Variants in ZFYVE9 observed in about 807,000 individuals in gnomAD.
ZFYVE9 encodes zinc finger FYVE domain-containing protein 9.
Under a neutral mutation model 126.7 loss-of-function variants are expected in ZFYVE9, and 43 were observed. That is an observed-to-expected ratio of 0.34 (90% CI 0.27 to 0.44). ZFYVE9 has a LOEUF of 0.44. ZFYVE9 is among the 20% of genes least tolerant of loss of function. ZFYVE9 has a pLI of 1.00. For missense variants in ZFYVE9, 1,476 were observed against 1,697.0 expected (o/e 0.87, Z 2.29); for synonymous variants, 521 against 597.4 (o/e 0.87, Z 1.87).
chr1:52,210,603 T>C (rs574098475), intron 1 of ZFYVE9, among the ~76,000 whole-genome samples: 4 of 152,306 alleles, frequency 2.6e-5, no homozygotes, highest in African/African-American at 9.6e-5. Context: ...AACAATTTAA[T>C]TATCTCTCAT....
intron 13 of ZFYVE9, among the ~76,000 whole-genome samples, chr1:52,308,797 T>C (rs1320455849): frequency 2.0e-5 from 3 of 152,262 alleles, no homozygotes; most frequent in Non-Finnish European, 4.4e-5. Context: ...AGTACATTTG[T>C]AATTCCTTGT....
chr1:52,299,668 G>A (rs770167494), intron 12 of ZFYVE9, among the ~76,000 whole-genome samples: 7 of 152,188 alleles, frequency 4.6e-5, no homozygotes, highest in Non-Finnish European at 7.3e-5. Context: ...TGTGAGTTCA[G>A]TGCCAGGGCT....
At chr1:52,207,186 C>T (rs968032998) in intron 1 of ZFYVE9, among the ~76,000 whole-genome samples, 2 of 152,194 alleles carry the variant, frequency 1.3e-5, no homozygotes, top group African/African-American at 4.8e-5. Context: ...GTCCCTATGA[C>T]ATGTATATAC....
At chr1:52,174,467 T>G (rs1363275364) in intron 1 of ZFYVE9, among the ~76,000 whole-genome samples, 17 of 152,072 alleles carry the variant, frequency 1.1e-4, no homozygotes, top group East Asian at 7.7e-4. Context: ...GTGCTGAGAA[T>G]AATGTATATT....
intron 4 of ZFYVE9, chr1:52,252,126 A>G (rs967293728): frequency 5.0e-5 from 8 of 160,564 alleles, no homozygotes; most frequent in Non-Finnish European, 9.9e-5. Context: ...ATAGCAGAAG[A>G]TCTACCTGGA....
chr1:52,227,803 A>G (rs1645183520), intron 2 of ZFYVE9, among the ~76,000 whole-genome samples: 1 of 152,186 alleles, frequency 6.6e-6, no homozygotes, highest in African/African-American at 2.4e-5. Context: ...TCTTGGGACC[A>G]TGGAGGGGAC....
intron 3 of ZFYVE9, among the ~76,000 whole-genome samples, chr1:52,234,529 A>G (rs1207668849): frequency 1.3e-5 from 2 of 152,224 alleles, no homozygotes; most frequent in African/African-American, 2.4e-5. Flanking sequence ...GAATCGGGCT[A>G]TTCTTTGATA....
chr1:52,210,478 C>T (rs1259102191), intron 1 of ZFYVE9, among the ~76,000 whole-genome samples: 3 of 152,092 alleles, frequency 2.0e-5, no homozygotes, highest in Non-Finnish European at 4.4e-5. Context: ...TTCCCTGTCC[C>T]TATTAAGGTT....
At position 52,254,116 on chromosome 1, in the gene ZFYVE9, G is replaced by A. The variant is rs1396648174; in HGVS notation, c.2179-9657G>A. 2.9e-5 allele frequency: 22 copies of A among 753,274 alleles called. No individual in the cohort carries two copies. The Admixed American group carries it at 5.1e-4, about 17-fold the overall frequency. The allele number at this position is 753,274 out of a possible 1,614,324, so 46.7% of individuals were successfully genotyped here. On this transcript the variant is annotated intron_variant, in intron 4 of 18. Coordinates refer to ENST00000287727, the MANE Select transcript of ZFYVE9 (RefSeq NM_004799.4). ...TTAAAATATACACACTGGTAGAAGA[G>A]AGCGCCATTGGTAAATTTCCTAGAT...
chr1:52,255,938 C>CTTTTCTTTTCTTTTCTTTTCTTTTCTT (rs1350535178), intron 4 of ZFYVE9, among the ~76,000 whole-genome samples: 15 of 124,330 alleles, frequency 1.2e-4, no homozygotes, highest in African/African-American at 5.9e-4. Context: ...CTTTTCTTTT[C>CTTTTCTTTTCTTTTCTTTTCTTTTCTT]TTTTCTTTTC....
intron 1 of ZFYVE9, among the ~76,000 whole-genome samples, chr1:52,176,737 G>A (rs1644634629): frequency 6.6e-6 from 1 of 152,220 alleles, no homozygotes; most frequent in Non-Finnish European, 1.5e-5. Flanking sequence ...CTTGCAGTTT[G>A]ATCTCAGGCT....
intron 13 of ZFYVE9, among the ~76,000 whole-genome samples, chr1:52,314,633 C>T (rs1039734266): frequency 7.9e-5 from 12 of 152,096 alleles, no homozygotes; most frequent in East Asian, 7.7e-4. Context: ...CCTAGGGCAA[C>T]GTGGTGAAAC....
chr1:52,174,696 G>T (rs1644607478), intron 1 of ZFYVE9, among the ~76,000 whole-genome samples: 1 of 151,930 alleles, frequency 6.6e-6, no homozygotes, highest in African/African-American at 2.4e-5. Flanking sequence ...TCCTGTATTG[G>T]GTGCATATAT....
At chr1:52,289,180 A>G (rs1486597927) in intron 10 of ZFYVE9, among the ~76,000 whole-genome samples, 1 of 152,168 alleles carries the variant, frequency 6.6e-6, no homozygotes, top group African/African-American at 2.4e-5. Context: ...CTGTATCTGT[A>G]TATTTTTTGA....
In ZFYVE9 at chr1:52,250,851, C is replaced by G. The variant is rs138141142; in HGVS notation, c.2178+11256C>G. ...CAGCCTCCCAAGTAGCTGGGACTAA[C>G]AGGCGTGCACTACCACACCTGGCTA... On this transcript the variant is annotated intron_variant, in intron 4 of 18. Transcript: ENST00000287727. Among the ~76,000 whole-genome samples the G allele has an allele frequency of 1.1e-3, 167 of 151,842 alleles. 2 individuals are homozygous for G. The highest frequency in any genetic ancestry group is 3.8e-3 in the African/African-American group (157 of 41,420).
rs141588622 is a variant in ZFYVE9, at chr1:52,180,585, A to C, written c.-142-35784A>C. On this transcript the variant is annotated intron_variant, in intron 1 of 18. Coordinates refer to ENST00000287727, the MANE Select transcript of ZFYVE9 (RefSeq NM_004799.4). ...CAGCTGCTATCACTTTCTTGTGACA[A>C]ATTGTCTGGATTTTTTAAAAAAGGA... The C allele has an allele frequency of 8.2e-3, 4,927 of 601,302 alleles. 30 individuals are homozygous for C. The highest frequency in any genetic ancestry group is 0.012 in the Non-Finnish European group (3,984 of 335,460). The allele number at this position is 601,302 out of a possible 1,614,324, so 37.2% of individuals were successfully genotyped here.
chr1:52,285,039 C>CT (rs1645844591), intron 10 of ZFYVE9, among the ~76,000 whole-genome samples: 1 of 152,056 alleles, frequency 6.6e-6, no homozygotes, highest in Admixed American at 6.6e-5. Flanking sequence ...AATACAAACT[C>CT]TTCATTTTTT....
At chr1:52,237,083 T>G (rs979430935) in intron 3 of ZFYVE9, among the ~76,000 whole-genome samples, 2 of 152,116 alleles carry the variant, frequency 1.3e-5, no homozygotes, top group African/African-American at 4.8e-5. Context: ...GCATTCAGTC[T>G]CTACAGAAAA....
chr1:52,260,957 T>G (rs1645574052), intron 4 of ZFYVE9, among the ~76,000 whole-genome samples: 1 of 152,178 alleles, frequency 6.6e-6, no homozygotes, highest in South Asian at 2.1e-4. Flanking sequence ...TATTAACTTT[T>G]TTTAGTTATT....
Sources: allele counts gnomAD v4.1 joint callset (sites outside exome capture counted in the v4.1 genomes callset), GRCh38; gene constraint gnomAD v4.1.1; transcripts MANE v1.5; gene names NCBI Gene and HGNC (gene_info 2026-07-23, HGNC 2026-07-21).